SLC35F1: variants seen among roughly 807,000 people sequenced by gnomAD.
SLC35F1 encodes chromosome 6 open reading frame 169.
A neutral mutation model predicts 48.7 loss-of-function variants in SLC35F1; 14 were observed. The observed-to-expected ratio is 0.29, with a 90% confidence interval of 0.19 to 0.45. The LOEUF is 0.45. Ranked by LOEUF, SLC35F1 falls within the 20% of genes least tolerant of loss-of-function variation. The pLI is 1.00. For synonymous variants in SLC35F1, 190 were observed against 202.2 expected (o/e 0.94, Z 0.51); for missense variants, 404 against 500.0 (o/e 0.81, Z 1.83).
At chr6:117,957,236 C>A (rs1343784264) in intron 1 of SLC35F1, among the ~76,000 whole-genome samples, 1 of 152,132 alleles carries the variant, frequency 6.6e-6, no homozygotes, top group Non-Finnish European at 1.5e-5. Context: ...TTTATTGATT[C>A]TAATTTTTTT....
At chr6:117,944,623 AG>A (rs1408263653) in intron 1 of SLC35F1, among the ~76,000 whole-genome samples, 3 of 151,714 alleles carry the variant, frequency 2.0e-5, no homozygotes, top group Admixed American at 6.6e-5. Context: ...ACACACACAC[AG>A]AATATATTCT....
chr6:118,090,359 C>T (rs867369106), intron 1 of SLC35F1, among the ~76,000 whole-genome samples: 19 of 152,078 alleles, frequency 1.2e-4, no homozygotes, highest in Middle Eastern at 6.8e-3. Flanking sequence ...GAGCATATGT[C>T]GTGGTGGGAG....
At chr6:117,934,190 C>T (rs1413456584) in intron 1 of SLC35F1, among the ~76,000 whole-genome samples, 1 of 152,092 alleles carries the variant, frequency 6.6e-6, no homozygotes, top group African/African-American at 2.4e-5. Context: ...TAAATCAAAC[C>T]CATAGCTTTC....
intron 1 of SLC35F1, among the ~76,000 whole-genome samples, chr6:118,089,418 G>A (rs1773039908): frequency 6.6e-6 from 1 of 152,184 alleles, no homozygotes; most frequent in African/African-American, 2.4e-5. Context: ...AAGTCATTCA[G>A]CATCTATGAG....
intron 1 of SLC35F1, among the ~76,000 whole-genome samples, chr6:118,042,008 A>G (rs932223405): frequency 3.3e-5 from 5 of 152,050 alleles, no homozygotes; most frequent in Non-Finnish European, 7.4e-5. Flanking sequence ...CTGTCCCCAT[A>G]TGGACACTCT....
At chr6:118,120,751 C>G (rs1319481755) in intron 1 of SLC35F1, among the ~76,000 whole-genome samples, 3 of 152,082 alleles carry the variant, frequency 2.0e-5, no homozygotes, top group Non-Finnish European at 4.4e-5. Flanking sequence ...GGTACAGTAA[C>G]CGCTTGAAAT....
At chr6:117,966,140 C>A (rs907166870) in intron 1 of SLC35F1, among the ~76,000 whole-genome samples, 1 of 128,098 alleles carries the variant, frequency 7.8e-6, no homozygotes, top group South Asian at 2.8e-4. Flanking sequence ...CGCCCCCCCC[C>A]CCACTCCCGC....
At chr6:118,033,663 T>C (rs1050682713) in intron 1 of SLC35F1, among the ~76,000 whole-genome samples, 45 of 151,992 alleles carry the variant, frequency 3.0e-4, no homozygotes, top group Non-Finnish European at 1.3e-4. Context: ...TTCTCTATAT[T>C]GTAATGATGA....
chr6:118,169,165 A>C (rs1774362900), intron 2 of SLC35F1, among the ~76,000 whole-genome samples: 1 of 152,202 alleles, frequency 6.6e-6, no homozygotes, highest in African/African-American at 2.4e-5. Flanking sequence ...ACTAGTCCTA[A>C]TGTGTTTTCA....
At chr6:118,109,714 C>T (rs749831535) in intron 1 of SLC35F1, among the ~76,000 whole-genome samples, 20 of 152,222 alleles carry the variant, frequency 1.3e-4, no homozygotes, top group Non-Finnish European at 2.4e-4. Flanking sequence ...TAGATCCAGC[C>T]TCTCACTGTC....
At chr6:118,076,498 G>A (rs1307312371) in intron 1 of SLC35F1, among the ~76,000 whole-genome samples, 1 of 152,192 alleles carries the variant, frequency 6.6e-6, no homozygotes, top group Non-Finnish European at 1.5e-5. Context: ...CAAAGAGGAA[G>A]CAAGCACATC....
At chr6:118,016,785 A>T (rs1391872148) in intron 1 of SLC35F1, among the ~76,000 whole-genome samples, 3 of 152,118 alleles carry the variant, frequency 2.0e-5, no homozygotes, top group Non-Finnish European at 4.4e-5. Context: ...CTTTTTAAAG[A>T]CTCACAGTAG....
chr6:117,925,715 G>A (rs1010305796), intron 1 of SLC35F1, among the ~76,000 whole-genome samples: 21 of 152,058 alleles, frequency 1.4e-4, no homozygotes, highest in African/African-American at 5.1e-4. Flanking sequence ...GCAGGGGCAG[G>A]TTTGCTCGAG....
intron 1 of SLC35F1, among the ~76,000 whole-genome samples, chr6:117,908,854 T>G (rs1235434182): frequency 6.6e-6 from 1 of 152,220 alleles, no homozygotes; most frequent in East Asian, 1.9e-4. Context: ...TAGGGGTAAC[T>G]GTTCCAGTCG....
chr6:118,190,799 G>A (rs1249922332), intron 2 of SLC35F1, among the ~76,000 whole-genome samples: 2 of 152,102 alleles, frequency 1.3e-5, no homozygotes, highest in Non-Finnish European at 2.9e-5. Context: ...ATAGATCAAA[G>A]AATTAGTTAG....
intron 1 of SLC35F1, among the ~76,000 whole-genome samples, chr6:117,975,891 C>G (rs747032086): frequency 6.6e-6 from 1 of 152,160 alleles, no homozygotes; most frequent in Non-Finnish European, 1.5e-5. Flanking sequence ...GGAAATTCTG[C>G]TTTTTACATG....
chr6:117,920,915 G>C (rs1374772741), intron 1 of SLC35F1, among the ~76,000 whole-genome samples: 1 of 151,858 alleles, frequency 6.6e-6, no homozygotes, highest in African/African-American at 2.4e-5. Flanking sequence ...ATTCATGGGG[G>C]ATATATAAAT....
intron 1 of SLC35F1, among the ~76,000 whole-genome samples, chr6:118,147,590 C>T (rs943353810): frequency 2.6e-5 from 4 of 152,118 alleles, no homozygotes; most frequent in East Asian, 1.9e-4. Flanking sequence ...GAGAGATATG[C>T]GCAATCACGG....
chr6:117,949,476 C>T (rs781735225), intron 1 of SLC35F1, among the ~76,000 whole-genome samples: 2 of 151,924 alleles, frequency 1.3e-5, no homozygotes, highest in Non-Finnish European at 2.9e-5. Flanking sequence ...CCCCTCTTTC[C>T]AAAAATTTGA....
Sources: allele counts gnomAD v4.1 joint callset (sites outside exome capture counted in the v4.1 genomes callset), GRCh38; gene constraint gnomAD v4.1.1; transcripts MANE v1.5; gene names NCBI Gene and HGNC (gene_info 2026-07-23, HGNC 2026-07-21).